MAML2: variants seen among roughly 807,000 people sequenced by gnomAD.
The protein encoded by MAML2 is mastermind-like protein 2.
MAML2 carries 22 observed loss-of-function variants against 96.1 expected under a neutral mutation model. The observed-to-expected ratio is 0.23, with a 90% CI of 0.16 to 0.33. MAML2 has a LOEUF of 0.33. MAML2 is among the 10% of genes least tolerant of loss of function. MAML2 has a pLI of 1.00. For missense variants in MAML2, 1,367 were observed against 1,392.4 expected (o/e 0.98, Z 0.29); for synonymous variants, 561 against 521.3 (o/e 1.08, Z -1.04).
intron 2 of MAML2, among the ~76,000 whole-genome samples, chr11:96,024,403 T>C (rs868293621): frequency 6.6e-6 from 1 of 152,222 alleles, no homozygotes; most frequent in African/African-American, 2.4e-5. Flanking sequence ...TTAAAACAGA[T>C]CTTGCATATG....
chr11:96,331,039 G>A (rs1259535481), intron 1 of MAML2, among the ~76,000 whole-genome samples: 1 of 152,188 alleles, frequency 6.6e-6, no homozygotes. Flanking sequence ...GGAGGCTGAG[G>A]TGGGTGGATC....
At chr11:96,010,701 A>G (rs948553372) in intron 2 of MAML2, among the ~76,000 whole-genome samples, 1 of 152,248 alleles carries the variant, frequency 6.6e-6, no homozygotes, top group Non-Finnish European at 1.5e-5. Context: ...TCATGCAGAC[A>G]CATCAAAAAA....
intron 1 of MAML2, among the ~76,000 whole-genome samples, chr11:96,138,725 T>C (rs1480243749): frequency 2.0e-5 from 3 of 152,000 alleles, no homozygotes; most frequent in Non-Finnish European, 4.4e-5. Flanking sequence ...CTCCGAGACA[T>C]AGTCCAGGAA....
At chr11:96,055,092 C>G (rs1284480149) in intron 2 of MAML2, among the ~76,000 whole-genome samples, 2 of 152,166 alleles carry the variant, frequency 1.3e-5, no homozygotes, top group Non-Finnish European at 2.9e-5. Context: ...CATTTCAGGA[C>G]AAACAGGATA....
At chr11:96,314,402 A>G (rs1234183595) in intron 1 of MAML2, among the ~76,000 whole-genome samples, 1 of 152,212 alleles carries the variant, frequency 6.6e-6, no homozygotes, top group Non-Finnish European at 1.5e-5. Context: ...TCCTCTTGAT[A>G]TCCCCTCTTT....
chr11:96,205,076 C>T (rs542139446), intron 1 of MAML2, among the ~76,000 whole-genome samples: 76 of 152,248 alleles, frequency 5.0e-4, no homozygotes, highest in African/African-American at 1.7e-3. Flanking sequence ...AATTTCTTTT[C>T]ATATAATGTG....
intron 1 of MAML2, among the ~76,000 whole-genome samples, chr11:96,337,715 G>C (rs1008495166): frequency 2.6e-5 from 4 of 152,154 alleles, no homozygotes; most frequent in Non-Finnish European, 5.9e-5. Context: ...ATTTAAAACC[G>C]ACAACTGAAA....
At chr11:96,328,539 C>T (rs1863814930) in intron 1 of MAML2, among the ~76,000 whole-genome samples, 2 of 151,928 alleles carry the variant, frequency 1.3e-5, no homozygotes, top group African/African-American at 4.8e-5. Flanking sequence ...CCACAGACAC[C>T]CCACGCCACC....
intron 2 of MAML2, among the ~76,000 whole-genome samples, chr11:96,050,468 A>G (rs565546635): frequency 2.0e-5 from 3 of 152,316 alleles, no homozygotes; most frequent in East Asian, 3.9e-4. Flanking sequence ...TATGTAGTAA[A>G]TAACTATTTG....
Position 96,024,237 on chromosome 11 carries a change from C to T in MAML2, c.2140-32514G>A, listed in dbSNP as rs533902671. 4.6e-5 allele frequency among the ~76,000 whole-genome samples: 7 copies of T among 152,272 alleles called. No individual in the cohort carries two copies. The South Asian group carries it at 1.0e-3, about 23-fold the overall frequency. The stretch of plus-strand genomic sequence containing the variant: ...TAGAAAAGATTATTTTTGCAAAATG[C>T]CTGAGTTTGGAGAAAGAACATGGGC... On this transcript the variant is annotated intron_variant, in intron 2 of 4. Transcript: ENST00000524717.
intron 2 of MAML2, among the ~76,000 whole-genome samples, chr11:95,997,354 C>G (rs1052982139): frequency 4.6e-5 from 7 of 152,050 alleles, no homozygotes; most frequent in African/African-American, 1.4e-4. Flanking sequence ...GTATTAGTCC[C>G]TGAGATAGTG....
At chr11:96,177,954 G>GTGTGTTTAAA (rs1273308472) in intron 1 of MAML2, among the ~76,000 whole-genome samples, 1 of 140,202 alleles carries the variant, frequency 7.1e-6, no homozygotes, top group Non-Finnish European at 1.5e-5. Context: ...GTGTGTGTGT[G>GTGTGTTTAAA]TGTTTAAATA....
intron 1 of MAML2, among the ~76,000 whole-genome samples, chr11:96,274,192 C>T (rs1333753168): frequency 1.3e-5 from 2 of 150,162 alleles, no homozygotes; most frequent in Non-Finnish European, 2.9e-5. Flanking sequence ...ACGCCATTTT[C>T]CTGCGTGAGC....
rs138910913 is a variant in MAML2 at position 96,174,763 on chromosome 11, T to C, written c.514-81246A>G. Among the ~76,000 whole-genome samples the C allele has an allele frequency of 5.9e-5, 9 of 152,362 alleles. No homozygotes were observed. In the East Asian group the frequency reaches 1.7e-3, roughly 29 times the overall value. On this transcript the variant is annotated intron_variant, in intron 1 of 4. Transcript: ENST00000524717. ...TGAGAAGAGCAACTGTGACATACAC[T>C]TGTGGGATACCCACAAAGCCTGAAG...
At chr11:96,238,063 T>C (rs981450561) in intron 1 of MAML2, among the ~76,000 whole-genome samples, 1 of 152,240 alleles carries the variant, frequency 6.6e-6, no homozygotes, top group African/African-American at 2.4e-5. Flanking sequence ...GGAGCTTTTG[T>C]ATACTCTATG....
At chr11:96,278,998 A>G (rs183137218) in intron 1 of MAML2, among the ~76,000 whole-genome samples, 92 of 152,288 alleles carry the variant, frequency 6.0e-4, no homozygotes, top group African/African-American at 2.0e-3. Context: ...GATGCAAACA[A>G]TGTAGGAACT....
intron 4 of MAML2, among the ~76,000 whole-genome samples, chr11:95,984,440 C>T (rs1464658298): frequency 6.6e-6 from 1 of 152,164 alleles, no homozygotes; most frequent in Non-Finnish European, 1.5e-5. Flanking sequence ...GGAAAACATA[C>T]ATCCCATTCC....
At chr11:96,312,909 A>C (rs1451852404) in intron 1 of MAML2, among the ~76,000 whole-genome samples, 1 of 152,218 alleles carries the variant, frequency 6.6e-6, no homozygotes, top group Non-Finnish European at 1.5e-5. Context: ...GAACTAGTCC[A>C]TCTCTTTATT....
intron 1 of MAML2, among the ~76,000 whole-genome samples, chr11:96,142,913 C>T (rs1860759298): frequency 6.6e-6 from 1 of 152,166 alleles, no homozygotes; most frequent in Non-Finnish European, 1.5e-5. Context: ...AAACCAGAAG[C>T]TGATGATCTA....
Sources: allele counts gnomAD v4.1 joint callset (sites outside exome capture counted in the v4.1 genomes callset), GRCh38; gene constraint gnomAD v4.1.1; transcripts MANE v1.5; gene names NCBI Gene and HGNC (gene_info 2026-07-23, HGNC 2026-07-21).